Variants in DUSP15 observed in about 807,000 individuals in gnomAD.
The protein encoded by DUSP15 is dual specificity protein phosphatase 15.
In DUSP15, 23 loss-of-function variants were observed where a neutral mutation model predicts 26.3. The observed-to-expected ratio is 0.87, with a 90% confidence interval of 0.63 to 1.24. DUSP15 has a LOEUF of 1.24. DUSP15 is among the 50% of genes most tolerant of loss of function. The pLI is 0.00. For missense variants in DUSP15, 364 were observed against 320.6 expected (o/e 1.14, Z -1.03); for synonymous variants, 143 against 135.5 (o/e 1.06, Z -0.39).
At chr20:31,846,963 C>T (rs144321903), downstream of DUSP15, among the ~76,000 whole-genome samples, 151 of 152,252 alleles carry the variant, frequency 9.9e-4, no homozygotes, top group African/African-American at 3.4e-3. Context: ...CGGATTGTCA[C>T]TCTGAACTGA....
rs980165597 is a variant in DUSP15, at chr20:31,849,942, C to T, written c.492-68G>A. The stretch of plus-strand genomic sequence containing the variant: ...CTAGCTCCCCTCGCCTTCTTACCCT[C>T]CCCTTCAAACTCTGCCGGACCCAGA... On this transcript the variant is annotated intron_variant, in intron 7 of 9. Coordinates refer to the DUSP15 transcript ENST00000278979. 32 of 1,411,526 alleles carry T rather than the reference C, an allele frequency of 2.3e-5. No individual in the cohort carries two copies. The South Asian group carries it at 4.6e-4, about 20-fold the overall frequency. The allele number at this position is 1,411,526 out of a possible 1,614,324, so 87.4% of individuals were successfully genotyped here. A position where few individuals can be genotyped will look rare whatever the true frequency, so the allele number is the denominator to read the frequency against.
intron 8 of DUSP15, chr20:31,849,053 C>T (rs1235047600): frequency 4.6e-6 from 3 of 647,584 alleles, no homozygotes; most frequent in Non-Finnish European, 8.1e-6. Flanking sequence ...AGGCCCACTT[C>T]CACGTTCCTA....
At chr20:31,849,758 G>A (rs1308636010) in exon 8 of DUSP15, 1 of 1,540,000 alleles carries the variant, frequency 6.5e-7, no homozygotes, top group Non-Finnish European at 8.7e-7. Flanking sequence ...GTGAGGTGGC[G>A]GCCCCAGCAG....
chr20:31,852,702 T>A (rs2123194379), intron 6 of DUSP15, among the ~76,000 whole-genome samples: 1 of 152,196 alleles, frequency 6.6e-6, no homozygotes, highest in Non-Finnish European at 1.5e-5. Context: ...TCCCAGCTAC[T>A]TGGGAGGCTG....
At chr20:31,862,927 C>CT (rs1487413874) in intron 5 of DUSP15, among the ~76,000 whole-genome samples, 185 bp from the exon 6 acceptor site, 3 of 152,236 alleles carry the variant, frequency 2.0e-5, no homozygotes, top group Non-Finnish European at 2.9e-5. Flanking sequence ...AGAGCATCCC[C>CT]TGGGTTCTCC....
chr20:31,850,990 T>A (rs2062459117), intron 6 of DUSP15, among the ~76,000 whole-genome samples: 1 of 152,216 alleles, frequency 6.6e-6, no homozygotes, highest in African/African-American at 2.4e-5. Context: ...CAGAGAGGTC[T>A]GGGCGGACTG....
intron 1 of DUSP15, chr20:31,869,906 G>A: frequency 2.2e-6 from 3 of 1,366,374 alleles, no homozygotes; most frequent in Non-Finnish European, 2.8e-6. Context: ...CTTGCAGGGT[G>A]CAGGGATGGA....
chr20:31,856,762 C>T (rs1284807761), downstream of DUSP15, among the ~76,000 whole-genome samples: 1 of 151,946 alleles, frequency 6.6e-6, no homozygotes, highest in African/African-American at 2.4e-5. Context: ...AGACCCACAG[C>T]CACCATGCTG....
At chr20:31,857,232 G>A (rs960282200), downstream of DUSP15, among the ~76,000 whole-genome samples, 12 of 152,068 alleles carry the variant, frequency 7.9e-5, no homozygotes, top group African/African-American at 2.4e-4. Context: ...GCTCAGGGAA[G>A]AGAGCCCAGA....
chr20:31,862,005 T>C (rs2062671231), intron 6 of DUSP15, among the ~76,000 whole-genome samples: 1 of 150,954 alleles, frequency 6.6e-6, no homozygotes, highest in African/African-American at 2.5e-5. Flanking sequence ...TCCTCCCACT[T>C]TGCACCTCTG....
intron 8 of DUSP15, chr20:31,849,630 C>T (rs2062430668): frequency 2.0e-6 from 3 of 1,517,026 alleles, no homozygotes; most frequent in Non-Finnish European, 2.7e-6. Context: ...GGCACAGGCG[C>T]TTGGTGAACA....
chr20:31,861,713 G>GT, intron 6 of DUSP15, 38 bp from the exon 7 acceptor site: 1 of 648,012 alleles, frequency 1.5e-6, no homozygotes, highest in South Asian at 2.3e-5. Context: ...GTCAAGGCCG[G>GT]CGCGGGGCGG....
intron 5 of DUSP15, chr20:31,863,644 A>G (rs2062707070): frequency 4.5e-6 from 2 of 446,856 alleles, no homozygotes; most frequent in Non-Finnish European, 8.2e-6. Context: ...CAACAGTCCC[A>G]TCAGGTCAGC....
At chr20:31,864,314 C>A in intron 4 of DUSP15, 1 of 1,095,376 alleles carries the variant, frequency 9.1e-7, no homozygotes. Flanking sequence ...GGGTCCCACT[C>A]CTCTGGGGTC....
At chr20:31,846,049 C>G (rs1568646044), downstream of DUSP15, among the ~76,000 whole-genome samples, 1 of 151,956 alleles carries the variant, frequency 6.6e-6, no homozygotes, top group Non-Finnish European at 1.5e-5. Context: ...CAGACACTCA[C>G]AGAGAGACAC....
chr20:31,870,620 C>T, upstream of DUSP15: 1 of 1,350,222 alleles, frequency 7.4e-7, no homozygotes, highest in South Asian at 2.0e-5. The surrounding 1 kb of genome is among the most constrained non-coding windows in gnomAD (Gnocchi z 6.6). Flanking sequence ...CGGCGGGGGG[C>T]CGGACAAAGC....
At chr20:31,846,440 A>AAGAGAGAGAGAGAGAGAGAG (rs1385705408), downstream of DUSP15, among the ~76,000 whole-genome samples, 2 of 95,294 alleles carry the variant, frequency 2.1e-5, no homozygotes, top group African/African-American at 1.2e-4. Context: ...GAAAGGAATG[A>AAGAGAGAGAGAGAGAGAGAG]ATAGAGAGAG....
chr20:31,864,316 T>C, intron 4 of DUSP15: 1 of 1,093,814 alleles, frequency 9.1e-7, no homozygotes, highest in Non-Finnish European at 1.1e-6. Flanking sequence ...GTCCCACTCC[T>C]CTGGGGTCTG....
In DUSP15 at chr20:31,867,296, C is replaced by T; in HGVS notation, c.56-143G>A. 7 of 698,662 alleles carry T rather than the reference C, an allele frequency of 1.0e-5. No homozygotes were observed. In the South Asian group the frequency reaches 1.2e-4, roughly 12 times the overall value. 43.3% of individuals were successfully genotyped at this position (698,662 alleles called of 1,614,324 possible). A position where few individuals can be genotyped will look rare whatever the true frequency, so the allele number is the denominator to read the frequency against. On this transcript the variant is annotated intron_variant, in intron 2 of 6. Transcript: ENST00000339738. Reference sequence around the variant, plus strand: ...CACGCTCTGCCGGCTCCCTGATCCTCTTGCTTCTGGGGCACATGCAAGTAA... The same window carrying T: ...CACGCTCTGCCGGCTCCCTGATCCTTTTGCTTCTGGGGCACATGCAAGTAA...
Sources: allele counts gnomAD v4.1 joint callset (sites outside exome capture counted in the v4.1 genomes callset), GRCh38; gene constraint gnomAD v4.1.1; non-coding constraint Gnocchi (gnomAD v3.1); transcripts MANE v1.5; gene names NCBI Gene and HGNC (gene_info 2026-07-23, HGNC 2026-07-21).